The following GALNT10 variants were observed in gnomAD, a reference collection of about 807,000 sequenced individuals.
GALNT10 encodes GalNAc transferase 10.
In GALNT10, 41 loss-of-function variants were observed where a neutral mutation model predicts 75.0. The ratio of observed to expected loss-of-function variants is 0.55; its 90% CI spans 0.43 to 0.71. The LOEUF is 0.71. GALNT10 is among the 30% of genes least tolerant of loss of function. The pLI, the probability that GALNT10 is intolerant of heterozygous loss-of-function variation, is 0.00. For missense variants in GALNT10, 727 were observed against 818.5 expected (o/e 0.89, Z 1.36); for synonymous variants, 302 against 313.0 (o/e 0.96, Z 0.37).
At chr5:154,335,152 T>A (rs1469558429) in intron 4 of GALNT10, among the ~76,000 whole-genome samples, 2 of 152,248 alleles carry the variant, frequency 1.3e-5, no homozygotes, top group Non-Finnish European at 2.9e-5. Context: ...CCTTTTTGAG[T>A]TCTTTTGCTG....
chr5:154,285,025 T>C (rs997017744), intron 1 of GALNT10, among the ~76,000 whole-genome samples: 1 of 152,228 alleles, frequency 6.6e-6, no homozygotes, highest in Non-Finnish European at 1.5e-5. Flanking sequence ...CAATCGCTCA[T>C]GGAATATGAA....
rs1364193271 is a variant in GALNT10 at position 154,350,692 on chromosome 5, T to A, written c.568+20954T>A. ...ACTCCCACCTTGGCTGATTTCAAGC[T>A]ACCAATGGAACAGAGCTGGGAAGAG... On this transcript the variant is annotated intron_variant, in intron 4 of 11. Transcript: ENST00000297107. 2.6e-5 allele frequency among the ~76,000 whole-genome samples: 4 copies of A among 152,342 alleles called. No individual in the cohort carries two copies. In the East Asian group the frequency reaches 5.8e-4, roughly 22 times the overall value.
intron 3 of GALNT10, among the ~76,000 whole-genome samples, chr5:154,314,855 A>T (rs1233314928): frequency 1.4e-5 from 2 of 146,884 alleles, no homozygotes; most frequent in African/African-American, 2.5e-5. Flanking sequence ...TAATTTCCTT[A>T]AAAAAAAAAG....
chr5:154,286,001 T>C (rs1053278500), intron 1 of GALNT10, among the ~76,000 whole-genome samples: 37 of 152,316 alleles, frequency 2.4e-4, no homozygotes, highest in African/African-American at 8.9e-4. Flanking sequence ...TTCTACTGAG[T>C]TAACCTGTAA....
At chr5:154,367,289 C>T (rs1290064690) in intron 4 of GALNT10, among the ~76,000 whole-genome samples, 1 of 152,230 alleles carries the variant, frequency 6.6e-6, no homozygotes, top group Non-Finnish European at 1.5e-5. Flanking sequence ...ACCTCAGCAT[C>T]TGTGTGGAAA....
chr5:154,200,302 T>C (rs931084202), intron 1 of GALNT10, among the ~76,000 whole-genome samples: 1 of 151,852 alleles, frequency 6.6e-6, no homozygotes, highest in Non-Finnish European at 1.5e-5. Flanking sequence ...CAGGGTTCTG[T>C]GTGTGTGTGT....
chr5:154,289,357 A>G (rs997219715), intron 1 of GALNT10, among the ~76,000 whole-genome samples: 2 of 152,232 alleles, frequency 1.3e-5, no homozygotes, highest in Admixed American at 6.5e-5. Context: ...CTCTGGAACC[A>G]GAATGTTCCA....
intron 7 of GALNT10, among the ~76,000 whole-genome samples, chr5:154,390,332 C>T (rs1441529553): frequency 6.6e-6 from 1 of 152,232 alleles, no homozygotes; most frequent in Non-Finnish European, 1.5e-5. Context: ...TCGCCTTTCT[C>T]TACTCATAAA....
chr5:154,301,878 G>T (rs2113083653), intron 3 of GALNT10, among the ~76,000 whole-genome samples: 1 of 152,234 alleles, frequency 6.6e-6, no homozygotes, highest in East Asian at 1.9e-4. Flanking sequence ...AGCTAAGGAG[G>T]CCTTAGATAC....
Position 154,409,346 on chromosome 5 carries a change from T to C in GALNT10, c.1165-195T>C, listed in dbSNP as rs1209687178. 1 of 627,168 alleles carries C rather than the reference T, an allele frequency of 1.6e-6. No individual in the cohort carries two copies. The highest frequency in any genetic ancestry group is 2.7e-5 in the East Asian group (1 of 37,332). The allele number at this position is 627,168 out of a possible 1,614,324, so 38.9% of individuals were successfully genotyped here. ...ACAACAGCAGCCTATGGGCCAACTA[T>C]AAGCTGTGAAGCCCTTAAAACATGC... On this transcript the variant is annotated intron_variant, in intron 8 of 11. Transcript: ENST00000297107. The surrounding 1 kb of genome is among the most constrained non-coding windows in gnomAD (Gnocchi z 4.5).
chr5:154,211,676 A>G (rs1581920280), intron 1 of GALNT10, among the ~76,000 whole-genome samples: 1 of 152,290 alleles, frequency 6.6e-6, no homozygotes, highest in African/African-American at 2.4e-5. Context: ...TGAGGTCGCT[A>G]TCAAGATGTT....
intron 6 of GALNT10, among the ~76,000 whole-genome samples, chr5:154,385,434 C>G (rs1561678323): frequency 6.6e-6 from 1 of 152,148 alleles, no homozygotes; most frequent in Non-Finnish European, 1.5e-5. Context: ...CAAATTTCCT[C>G]TTGTCCAAAC....
intron 4 of GALNT10, 143 bp downstream of exon 4, chr5:154,329,881 T>G: frequency 2.0e-6 from 1 of 504,084 alleles, no homozygotes; most frequent in Non-Finnish European, 3.5e-6. Context: ...TGTGCACACA[T>G]TTTCTCATTT....
chr5:154,192,733 T>C (rs932534743), intron 1 of GALNT10, among the ~76,000 whole-genome samples: 3 of 152,332 alleles, frequency 2.0e-5, no homozygotes, highest in African/African-American at 4.8e-5. Flanking sequence ...TGGACACAGC[T>C]CCAGGTCAAG....
At chr5:154,344,870 G>C (rs907654560) in intron 4 of GALNT10, among the ~76,000 whole-genome samples, 3 of 152,140 alleles carry the variant, frequency 2.0e-5, no homozygotes, top group African/African-American at 7.2e-5. Flanking sequence ...CATATGGCTG[G>C]GTAATGACAA....
rs1755654035 is a variant in GALNT10, at chr5:154,376,526, C to G, written c.754+64C>G. 4.9e-6 allele frequency: 6 copies of G among 1,221,798 alleles called. No individual in the cohort carries two copies. The highest frequency in any genetic ancestry group is 2.5e-5 in the Admixed American group (1 of 39,876). The allele number at this position is 1,221,798 out of a possible 1,614,324, so 75.7% of individuals were successfully genotyped here. A position where few individuals can be genotyped will look rare whatever the true frequency, so the allele number is the denominator to read the frequency against. On this transcript the variant is annotated intron_variant, in intron 5 of 11. Transcript: ENST00000297107. This position sits in a 1 kb window ranked among gnomAD's most constrained non-coding sequence, Gnocchi z 4.1. ...AATGAGCCAGTGCCAGTGGCCCCCT[C>G]CTGCTGCAGGGAGCCATCCATAAGC...
intron 1 of GALNT10, among the ~76,000 whole-genome samples, chr5:154,235,220 A>T (rs890966896): frequency 6.6e-6 from 1 of 152,148 alleles, no homozygotes; most frequent in Non-Finnish European, 1.5e-5. Context: ...ATCACCAGAA[A>T]TGCCCCTGAC....
At chr5:154,306,735 A>G (rs898660814) in intron 3 of GALNT10, among the ~76,000 whole-genome samples, 1 of 152,066 alleles carries the variant, frequency 6.6e-6, no homozygotes, top group Non-Finnish European at 1.5e-5. Context: ...AAAAACAACA[A>G]CAACAACAAA....
chr5:154,347,600 G>A (rs1755149324), intron 4 of GALNT10, among the ~76,000 whole-genome samples: 1 of 152,036 alleles, frequency 6.6e-6, no homozygotes, highest in African/African-American at 2.4e-5. Flanking sequence ...GAGCCCAAGT[G>A]ATCCTCCCGC....
Sources: gnomAD v4.1 joint callset for allele counts (sites outside exome capture counted in the v4.1 genomes callset) on GRCh38, gnomAD v4.1.1 for gene constraint, Gnocchi (gnomAD v3.1) non-coding constraint, MANE v1.5 for transcripts, NCBI Gene and HGNC (gene_info 2026-07-23, HGNC 2026-07-21) for gene names.